The following C12orf42 variants were observed in gnomAD, a reference collection of about 807,000 sequenced individuals.
C12orf42 encodes chromosome 12 open reading frame 42, also known as uncharacterized protein C12orf42.
A neutral mutation model predicts 21.6 loss-of-function variants in C12orf42; 25 were observed. The ratio of observed to expected loss-of-function variants is 1.16; its 90% confidence interval spans 0.84 to 1.62. C12orf42 has a LOEUF of 1.62. C12orf42 is among the 40% of genes most tolerant of loss of function. The pLI is 0.00. For missense variants in C12orf42, 483 were observed against 459.3 expected (o/e 1.05, Z -0.47); for synonymous variants, 174 against 175.0 (o/e 0.99, Z 0.05).
the C12orf42 span, chr12:103,559,285 T>C: frequency 6.6e-6 from 1 of 152,222 alleles, no homozygotes; most frequent in African/African-American, 2.4e-5. Flanking sequence ...GATTCCTAGT[T>C]GGTAGCACTT....
chr12:103,190,709 G>A, the C12orf42 span, among the ~76,000 whole-genome samples: 1 of 152,004 alleles, frequency 6.6e-6, no homozygotes, highest in Non-Finnish European at 1.5e-5. Context: ...TCAGTCAGAG[G>A]AACAAAAAGA....
the C12orf42 span, among the ~76,000 whole-genome samples, chr12:103,560,684 T>G: frequency 1.3e-5 from 2 of 152,196 alleles, no homozygotes; most frequent in Non-Finnish European, 1.5e-5. Flanking sequence ...CAAGCAATGG[T>G]TGAATACAGG....
chr12:103,490,135 A>C (rs532548030), intron 1 of C12orf42, among the ~76,000 whole-genome samples: 39 of 152,310 alleles, frequency 2.6e-4, no homozygotes, highest in Admixed American at 2.3e-3. Context: ...CTACACTAGG[A>C]TCCCAGCTTT....
At chr12:103,351,283 G>C (rs988744183) in intron 4 of C12orf42, among the ~76,000 whole-genome samples, 4 of 152,072 alleles carry the variant, frequency 2.6e-5, no homozygotes, top group African/African-American at 9.7e-5. Context: ...GTTTAAATAA[G>C]GTAAACGCCA....
At chr12:103,167,214 G>C in the C12orf42 span, among the ~76,000 whole-genome samples, 5 of 152,166 alleles carry the variant, frequency 3.3e-5, no homozygotes, top group African/African-American at 9.7e-5. Context: ...AGGTACTACA[G>C]ACCTTCAAAC....
the C12orf42 span, among the ~76,000 whole-genome samples, chr12:103,187,398 A>G: frequency 1.3e-5 from 2 of 152,180 alleles, no homozygotes; most frequent in Non-Finnish European, 2.9e-5. Flanking sequence ...ATTCAAATAC[A>G]GGCTGTCTGG....
At chr12:103,056,907 C>T in the C12orf42 span, among the ~76,000 whole-genome samples, 3 of 152,036 alleles carry the variant, frequency 2.0e-5, no homozygotes, top group African/African-American at 4.8e-5. Context: ...GCTTAAAGCA[C>T]GTTCATAATT....
the C12orf42 span, among the ~76,000 whole-genome samples, chr12:103,072,825 A>G: frequency 6.6e-6 from 1 of 152,164 alleles, no homozygotes; most frequent in Non-Finnish European, 1.5e-5. Flanking sequence ...AGAGTATCTC[A>G]TTATGATTTT....
At chr12:103,206,043 A>C in the C12orf42 span, among the ~76,000 whole-genome samples, 1 of 152,196 alleles carries the variant, frequency 6.6e-6, no homozygotes, top group African/African-American at 2.4e-5. Flanking sequence ...ACAAACTGGG[A>C]ATTACTCTTG....
chr12:103,260,857 G>A (rs531730994), intron 10 of C12orf42, among the ~76,000 whole-genome samples: 5 of 152,150 alleles, frequency 3.3e-5, no homozygotes, highest in Admixed American at 2.6e-4. Flanking sequence ...TGAGACTCAG[G>A]GATATTTCTA....
chr12:103,321,462 C>T (rs1189446489), intron 4 of C12orf42, among the ~76,000 whole-genome samples: 2,816 of 84,326 alleles, frequency 0.033, no homozygotes, highest in Admixed American at 0.043. Context: ...TGTGGCGATT[C>T]CTCAGGGATC....
At chr12:103,198,100 C>T in the C12orf42 span, among the ~76,000 whole-genome samples, 1 of 152,214 alleles carries the variant, frequency 6.6e-6, no homozygotes, top group Non-Finnish European at 1.5e-5. Context: ...CACACAGAAG[C>T]AGGCAGTGAC....
chr12:103,443,073 G>A (rs1459755896), intron 2 of C12orf42, among the ~76,000 whole-genome samples: 1 of 152,082 alleles, frequency 6.6e-6, no homozygotes, highest in East Asian at 1.9e-4. Flanking sequence ...TAGTAAGGAG[G>A]TGCATGGCTA....
the C12orf42 span, chr12:103,167,939 C>G: frequency 2.4e-6 from 1 of 409,862 alleles, no homozygotes; most frequent in Non-Finnish European, 4.9e-6. Flanking sequence ...TGTGTGTATA[C>G]TGCAAATGGT....
At chr12:103,409,284 C>A (rs1470297541) in intron 2 of C12orf42, among the ~76,000 whole-genome samples, 1 of 152,152 alleles carries the variant, frequency 6.6e-6, no homozygotes, top group East Asian at 1.9e-4. Flanking sequence ...AAACTGCACA[C>A]AGAAGCATCA....
intron 2 of C12orf42, among the ~76,000 whole-genome samples, chr12:103,418,615 T>C (rs1289940670): frequency 6.6e-6 from 1 of 152,126 alleles, no homozygotes; most frequent in African/African-American, 2.4e-5. Context: ...CTCAAGAGGA[T>C]GTTTTATTCC....
chr12:103,482,301 G>T (rs1352361437), intron 1 of C12orf42, among the ~76,000 whole-genome samples: 1 of 152,032 alleles, frequency 6.6e-6, no homozygotes, highest in African/African-American at 2.4e-5. Flanking sequence ...CCTTGCACTT[G>T]AATATAGTTT....
At chr12:103,105,272 A>C in the C12orf42 span, among the ~76,000 whole-genome samples, 1 of 152,198 alleles carries the variant, frequency 6.6e-6, no homozygotes, top group African/African-American at 2.4e-5. Context: ...GAGTACCCCC[A>C]CAATTTCAGA....
the C12orf42 span, among the ~76,000 whole-genome samples, chr12:103,542,241 A>T: frequency 8.0e-4 from 122 of 152,336 alleles, no homozygotes; most frequent in Non-Finnish European, 1.4e-3. Flanking sequence ...TGGTTTAAAC[A>T]TTTCAAGAAT....
Sources: allele counts gnomAD v4.1 joint callset (sites outside exome capture counted in the v4.1 genomes callset), GRCh38; gene constraint gnomAD v4.1.1; transcripts MANE v1.5; gene names NCBI Gene and HGNC (gene_info 2026-07-23, HGNC 2026-07-21).